Variants in NPAS2 observed in about 807,000 individuals in gnomAD.
NPAS2 encodes the protein neuronal PAS domain-containing protein 2.
A neutral mutation model predicts 107.5 loss-of-function variants in NPAS2; 23 were observed. The observed-to-expected ratio is 0.21, with a 90% CI of 0.15 to 0.30. The LOEUF (loss-of-function observed/expected upper bound fraction) is 0.30. Ranked by LOEUF, NPAS2 falls within the 10% of genes least tolerant of loss-of-function variation. The probability of loss-of-function intolerance (pLI) is 1.00; values close to 1 mark genes in which losing one functional copy is unlikely to be tolerated. For synonymous variants in NPAS2, 403 were observed against 417.5 expected (o/e 0.97, Z 0.42); for missense variants, 756 against 1,043.3 (o/e 0.72, Z 3.79).
rs145743652 is a variant in NPAS2 at position 100,973,986 on chromosome 2, C to T, written c.1141-817C>T. Among the ~76,000 whole-genome samples the T allele has an allele frequency of 4.0e-4, 61 of 152,282 alleles. 4 individuals are homozygous for T. The East Asian group carries it at 9.9e-3, about 25-fold the overall frequency. On this transcript the variant is annotated intron_variant, in intron 12 of 20. Coordinates refer to ENST00000335681, the MANE Select transcript of NPAS2 (RefSeq NM_002518.4). Reference sequence around the variant, plus strand: ...CCTCCCAAGTAGCTGGGATTACAGGCGCCTGCCACCACGTCCAGCTAATTT... The same window carrying T: ...CCTCCCAAGTAGCTGGGATTACAGGTGCCTGCCACCACGTCCAGCTAATTT...
chr2:100,932,792 T>G (rs1684044592), intron 3 of NPAS2, 118 bp from the exon 4 acceptor site: 1 of 710,510 alleles, frequency 1.4e-6, no homozygotes, highest in African/African-American at 1.8e-5. Flanking sequence ...GCTGGCTTCT[T>G]AAATTAAACT....
At chr2:100,993,007 A>G (rs1328692289) in intron 19 of NPAS2, among the ~76,000 whole-genome samples, 28 of 150,338 alleles carry the variant, frequency 1.9e-4, no homozygotes. Context: ...TCGGCTCACT[A>G]CAGTCTCCAC....
intron 3 of NPAS2, among the ~76,000 whole-genome samples, chr2:100,932,294 A>G (rs572818058): frequency 6.6e-6 from 1 of 152,380 alleles, no homozygotes; most frequent in South Asian, 2.1e-4. Context: ...AATCGGCATA[A>G]TGTCTTCAGT....
chr2:100,960,996 A>G (rs1675884783), intron 7 of NPAS2, among the ~76,000 whole-genome samples: 1 of 152,170 alleles, frequency 6.6e-6, no homozygotes, highest in African/African-American at 2.4e-5. Flanking sequence ...TGACCCTAGG[A>G]GGGAAAATGT....
chr2:100,873,269 AAAATAC>A (rs1442872592), intron 1 of NPAS2, among the ~76,000 whole-genome samples: 3 of 75,700 alleles, frequency 4.0e-5, no homozygotes, highest in Non-Finnish European at 7.3e-5. Flanking sequence ...AAAAAAAAAA[AAAATAC>A]ATATATATAT....
At chr2:100,929,459 G>A (rs953883162) in intron 3 of NPAS2, among the ~76,000 whole-genome samples, 1 of 152,158 alleles carries the variant, frequency 6.6e-6, no homozygotes, top group Non-Finnish European at 1.5e-5. Flanking sequence ...TCAACCTTGT[G>A]TGCACATTTG....
At chr2:100,849,355 G>A (rs537877824) in intron 1 of NPAS2, among the ~76,000 whole-genome samples, 1 of 152,286 alleles carries the variant, frequency 6.6e-6, no homozygotes, top group East Asian at 1.9e-4. Flanking sequence ...CAAGAAAGGG[G>A]AGGACAGTGG....
At chr2:100,969,749 T>C (rs906593041) in intron 11 of NPAS2, among the ~76,000 whole-genome samples, 1 of 152,128 alleles carries the variant, frequency 6.6e-6, no homozygotes, top group African/African-American at 2.4e-5. Context: ...TACCGTATAG[T>C]GTATTGTTCC....
At chr2:100,929,739 A>C (rs1310917481) in intron 3 of NPAS2, among the ~76,000 whole-genome samples, 1 of 152,180 alleles carries the variant, frequency 6.6e-6, no homozygotes, top group African/African-American at 2.4e-5. Flanking sequence ...GCAGATGGCT[A>C]GGTAAGGCCC....
intron 2 of NPAS2, among the ~76,000 whole-genome samples, chr2:100,909,279 G>A (rs1350826303): frequency 6.6e-6 from 1 of 152,202 alleles, no homozygotes; most frequent in Non-Finnish European, 1.5e-5. Flanking sequence ...ATGAAAATAA[G>A]CATAAAGAAG....
At chr2:100,843,824 A>G (rs910402807) in intron 1 of NPAS2, among the ~76,000 whole-genome samples, 3 of 152,190 alleles carry the variant, frequency 2.0e-5, no homozygotes, top group African/African-American at 4.8e-5. Flanking sequence ...ATTCCTTTTC[A>G]GAGTGTCCTT....
intron 1 of NPAS2, among the ~76,000 whole-genome samples, chr2:100,867,830 T>C (rs1211664313): frequency 6.6e-6 from 1 of 152,152 alleles, no homozygotes; most frequent in Non-Finnish European, 1.5e-5. Flanking sequence ...CATGAGCCAC[T>C]GTGCTCAGCT....
intron 3 of NPAS2, among the ~76,000 whole-genome samples, chr2:100,925,646 C>G (rs367785807): frequency 6.6e-6 from 1 of 152,216 alleles, no homozygotes; most frequent in African/African-American, 2.4e-5. Context: ...TGGCTGAATA[C>G]TCACTTCCTG....
At chr2:100,822,931 C>G (rs1284505038) in intron 1 of NPAS2, 2 of 152,176 alleles carry the variant, frequency 1.3e-5, no homozygotes, top group Non-Finnish European at 2.9e-5. Flanking sequence ...GGATAGGGTA[C>G]TTGGTGCATT....
intron 1 of NPAS2, among the ~76,000 whole-genome samples, chr2:100,901,832 G>A (rs1188773380): frequency 6.6e-6 from 1 of 151,970 alleles, no homozygotes; most frequent in Non-Finnish European, 1.5e-5. Flanking sequence ...CTGTAAGTCA[G>A]CACTCCTCAG....
intron 5 of NPAS2, among the ~76,000 whole-genome samples, chr2:100,942,012 G>A (rs1674603768): frequency 6.6e-6 from 1 of 152,130 alleles, no homozygotes; most frequent in Non-Finnish European, 1.5e-5. Flanking sequence ...ATTCATAACT[G>A]GGGTTATGAG....
intron 12 of NPAS2, among the ~76,000 whole-genome samples, chr2:100,971,943 C>CT (rs562926280): frequency 0.021 from 2,829 of 136,214 alleles, 84 homozygotes; most frequent in African/African-American, 0.065. Context: ...ATGAATTTTT[C>CT]TTTTTTTTTT....
chr2:100,912,811 C>G (rs551289969), intron 2 of NPAS2, among the ~76,000 whole-genome samples: 1 of 152,342 alleles, frequency 6.6e-6, no homozygotes, highest in African/African-American at 2.4e-5. Flanking sequence ...TCATCAGGAG[C>G]CAGCCTCCAA....
chr2:100,995,669 T>G lies in NPAS2; in HGVS notation c.*87T>G. On this transcript the variant is annotated 3_prime_UTR_variant, in exon 21 of 21. Coordinates refer to ENST00000335681, the MANE Select transcript of NPAS2 (RefSeq NM_002518.4). Reference sequence around the variant, plus strand: ...AGGAGATGGGGAGAGGAGTCTGAACTAAACCCCTGGCTTTTGTGCACACTG... The same window carrying G: ...AGGAGATGGGGAGAGGAGTCTGAACGAAACCCCTGGCTTTTGTGCACACTG... 4.5e-6 allele frequency: 7 copies of G among 1,552,872 alleles called. No homozygotes were observed. In the South Asian group the frequency reaches 8.2e-5, roughly 18 times the overall value.
Sources: allele counts gnomAD v4.1 joint callset (sites outside exome capture counted in the v4.1 genomes callset), GRCh38; gene constraint gnomAD v4.1.1; transcripts MANE v1.5; gene names NCBI Gene and HGNC (gene_info 2026-07-23, HGNC 2026-07-21).